The following ESR1 variants were observed in gnomAD, a reference collection of about 807,000 sequenced individuals.
ESR1 encodes the protein estrogen receptor.
ESR1 carries 12 observed loss-of-function variants against 52.7 expected under a neutral mutation model. The ratio of observed to expected loss-of-function variants is 0.23; its 90% CI spans 0.15 to 0.37. The LOEUF is 0.37. ESR1 is among the 10% of genes least tolerant of loss of function. The pLI is 1.00. For synonymous variants in ESR1, 305 were observed against 316.8 expected (o/e 0.96, Z 0.39); for missense variants, 584 against 779.7 (o/e 0.75, Z 2.99).
chr6:151,731,555 A>G (rs907781475), intron 2 of ESR1, among the ~76,000 whole-genome samples: 19 of 152,150 alleles, frequency 1.2e-4, no homozygotes, highest in African/African-American at 4.3e-4. Flanking sequence ...GCCTCGTGCC[A>G]GGTCAGCTCC....
chr6:151,774,009 GC>G (rs5880938), intron 2 of ESR1, among the ~76,000 whole-genome samples: 39,991 of 152,058 alleles, frequency 0.26, 6,537 homozygotes, highest in East Asian at 0.44. Flanking sequence ...GGGACATGAT[GC>G]TTTGCATGAA....
At chr6:152,045,596 T>G (rs947110466) in intron 5 of ESR1, among the ~76,000 whole-genome samples, 2 of 152,154 alleles carry the variant, frequency 1.3e-5, no homozygotes, top group African/African-American at 4.8e-5. Context: ...TTTGTTTTTT[T>G]CTATTACAAC....
At chr6:151,871,686 T>C (rs1296597809) in intron 2 of ESR1, among the ~76,000 whole-genome samples, 1 of 152,234 alleles carries the variant, frequency 6.6e-6, no homozygotes, top group East Asian at 1.9e-4. Flanking sequence ...ATTACAGGCA[T>C]GAGCCACTGT....
chr6:151,890,089 CT>C (rs769048933), intron 3 of ESR1, among the ~76,000 whole-genome samples: 228 of 140,600 alleles, frequency 1.6e-3, no homozygotes, highest in East Asian at 2.3e-3. Flanking sequence ...TGTTTTTTTT[CT>C]TTTTTTTTTT....
intron 1 of ESR1, among the ~76,000 whole-genome samples, chr6:151,834,971 C>T (rs1408251145): frequency 1.3e-5 from 2 of 151,946 alleles, no homozygotes; most frequent in East Asian, 3.9e-4. Context: ...CTGCTGAGGG[C>T]TTGGAGTTAG....
intron 2 of ESR1, among the ~76,000 whole-genome samples, chr6:151,744,290 GA>G (rs1461531252): frequency 6.6e-6 from 1 of 152,072 alleles, no homozygotes; most frequent in Non-Finnish European, 1.5e-5. Context: ...AACTTTTTGA[GA>G]AATCTTCAAA....
chr6:151,870,861 T>C (rs570921193), intron 2 of ESR1, among the ~76,000 whole-genome samples: 7 of 150,226 alleles, frequency 4.7e-5, no homozygotes, highest in South Asian at 4.2e-4. Context: ...TCTTCTTCTT[T>C]TTTTTTTTAA....
At chr6:152,082,355 C>A (rs2049300512) in intron 6 of ESR1, among the ~76,000 whole-genome samples, 1 of 152,184 alleles carries the variant, frequency 6.6e-6, no homozygotes, top group Non-Finnish European at 1.5e-5. Flanking sequence ...GAACCAATGA[C>A]AAAAACCACA....
At chr6:151,700,541 A>G (rs1311625030) in intron 1 of ESR1, among the ~76,000 whole-genome samples, 1 of 152,208 alleles carries the variant, frequency 6.6e-6, no homozygotes, top group Non-Finnish European at 1.5e-5. Context: ...TATGGAAACC[A>G]TAAACTACTT....
At chr6:151,900,112 A>G (rs948162527) in intron 3 of ESR1, among the ~76,000 whole-genome samples, 1 of 152,238 alleles carries the variant, frequency 6.6e-6, no homozygotes, top group Admixed American at 6.5e-5. Flanking sequence ...ACCATTGAGC[A>G]CTGAGTGCGG....
At chr6:151,975,289 C>G (rs895340965) in intron 4 of ESR1, among the ~76,000 whole-genome samples, 34 of 152,170 alleles carry the variant, frequency 2.2e-4, no homozygotes, top group African/African-American at 8.0e-4. Context: ...GAATGCTGCT[C>G]ATTTTCACTC....
chr6:151,830,808 G>A (rs945622413), intron 1 of ESR1, among the ~76,000 whole-genome samples: 1 of 152,112 alleles, frequency 6.6e-6, no homozygotes, highest in Non-Finnish European at 1.5e-5. Context: ...AAGTGAGTGG[G>A]AAAGCCTCTT....
At chr6:151,827,714 A>G (rs1265517109) in intron 1 of ESR1, among the ~76,000 whole-genome samples, 1 of 152,184 alleles carries the variant, frequency 6.6e-6, no homozygotes, top group East Asian at 1.9e-4. Context: ...AAGAGTTTGT[A>G]TTGATTCGCA....
rs142343888 is a variant in ESR1, at chr6:151,679,566, G to A, written n.74-22309G>A. Among the ~76,000 whole-genome samples, 19 of 152,060 alleles carry A rather than the reference G, an allele frequency of 1.2e-4. No individual in the cohort carries two copies. The East Asian group carries it at 3.3e-3, about 26-fold the overall frequency. Reference sequence around the variant, plus strand: ...GGTTTCACCATGTCGGCCAGGCCAGGCTACTCTCAAATTCCCGACCTCAGG... The same window carrying A: ...GGTTTCACCATGTCGGCCAGGCCAGACTACTCTCAAATTCCCGACCTCAGG... On this transcript the variant is annotated intron_variant and non_coding_transcript_variant, in intron 1 of 2. Transcript: ENST00000473497.
chr6:151,669,188 G>GAGAGAGAGAGAGAA lies in ESR1; in HGVS notation n.73+12426_73+12427insGAGAGAGAGAGAAA, dbSNP rs1180447459. ...AGAGAGAGAGAGAGAGAGAGAGAGA[G>GAGAGAGAGAGAGAA]ATGGGAATCCAGGGGAGAACAGAAC... On this transcript the variant is annotated intron_variant and non_coding_transcript_variant, in intron 1 of 2. Coordinates refer to the ESR1 transcript ENST00000473497. 5.3e-5 allele frequency among the ~76,000 whole-genome samples: 6 copies of GAGAGAGAGAGAGAA among 112,558 alleles called. 1 individual carries two copies. Among genetic ancestry groups the GAGAGAGAGAGAGAA allele is most frequent in the African/African-American group, 1.8e-4 (6 of 32,888 alleles). The allele number at this position is 112,558 out of a possible 152,430, so 73.8% of individuals were successfully genotyped here.
At position 152,052,948 on chromosome 6, in the gene ESR1, C is replaced by A. The variant is rs571978948; in HGVS notation, c.1236-8043C>A. Among the ~76,000 whole-genome samples the A allele has an allele frequency of 1.4e-4, 22 of 152,236 alleles. No homozygotes were observed. The South Asian group carries it at 4.4e-3, about 30-fold the overall frequency. On this transcript the variant is annotated intron_variant, in intron 5 of 7. Transcript: ENST00000206249. ...TTGCTAAGGAGTTTGTGCCTTAGCCCATCCAGGGCCCTAGCAGCCTTGACT... is the reference window on the plus strand; with the variant it reads ...TTGCTAAGGAGTTTGTGCCTTAGCCAATCCAGGGCCCTAGCAGCCTTGACT...
intron 2 of ESR1, among the ~76,000 whole-genome samples, chr6:151,716,961 C>T (rs1216361499): frequency 1.3e-5 from 2 of 152,214 alleles, no homozygotes; most frequent in Non-Finnish European, 2.9e-5. Context: ...GCCCTGGAGG[C>T]ATAGGCACCC....
chr6:151,797,060 G>C (rs917550590), intron 2 of ESR1, among the ~76,000 whole-genome samples: 5 of 152,222 alleles, frequency 3.3e-5, no homozygotes, highest in African/African-American at 1.2e-4. Context: ...TTATAGTTCA[G>C]AGTTTCTACT....
intron 3 of ESR1, among the ~76,000 whole-genome samples, chr6:151,911,108 C>T (rs1354261278): frequency 2.6e-5 from 4 of 152,146 alleles, no homozygotes; most frequent in Non-Finnish European, 5.9e-5. Flanking sequence ...GCTGTGTGGC[C>T]CAGTTCCTAA....
Sources: allele counts gnomAD v4.1 joint callset (sites outside exome capture counted in the v4.1 genomes callset), GRCh38; gene constraint gnomAD v4.1.1; transcripts MANE v1.5; gene names NCBI Gene and HGNC (gene_info 2026-07-23, HGNC 2026-07-21).